MACF1: variants seen among roughly 807,000 people sequenced by gnomAD.
MACF1 encodes microtubule-actin cross-linking factor 1.
In MACF1, 193 loss-of-function variants were observed where a neutral mutation model predicts 854.8. The ratio of observed to expected loss-of-function variants is 0.23; its 90% confidence interval spans 0.20 to 0.25. The LOEUF is 0.25. MACF1 is among the 10% of genes least tolerant of loss of function. The pLI is 1.00. For missense variants in MACF1, 7,722 were observed against 8,929.1 expected (o/e 0.86, Z 5.45); for synonymous variants, 3,185 against 3,226.7 (o/e 0.99, Z 0.44).
At chr1:39,285,439 T>G in intron 13 of MACF1, 49 bp downstream of exon 13, 1 of 1,593,786 alleles carries the variant, frequency 6.3e-7, no homozygotes, top group African/African-American at 1.3e-5. Context: ...TGTTTCCTGC[T>G]TCTCACCCTC....
Position 39,452,795 on chromosome 1 carries a change from C to G in MACF1, c.20725C>G (p.Leu6909Val), listed in dbSNP as rs1279684194. ...LPDDTEALQS[L>V]IDTHKEFMKK... ...TGATGACACAGAGGCCCTGCAGTCTCTCATTGACACCCATAAGGTAATCCA... is the reference window on the plus strand; with the variant it reads ...TGATGACACAGAGGCCCTGCAGTCTGTCATTGACACCCATAAGGTAATCCA... The change falls in exon 87 of 101, where the codon CTC becomes GTC. Residue 6909 changes from leucine to valine, a missense_variant. Transcript: ENST00000564288. 1.2e-6 allele frequency: 2 copies of G among 1,614,042 alleles called. No individual in the cohort carries two copies. Among genetic ancestry groups the G allele is most frequent in the African/African-American group, 1.3e-5 (1 of 74,938 alleles).
At chr1:39,131,069 C>G (rs925547170) in intron 2 of MACF1, among the ~76,000 whole-genome samples, 1 of 148,540 alleles carries the variant, frequency 6.7e-6, no homozygotes, top group Non-Finnish European at 1.5e-5. Context: ...CCAGGCTGGT[C>G]TCTAACTCCT....
chr1:39,102,966 A>C (rs1642131726), intron 2 of MACF1: 2 of 701,248 alleles, frequency 2.9e-6, no homozygotes, highest in African/African-American at 1.7e-5. Context: ...TGTATAAAAC[A>C]GGAACATCAG....
intron 21 of MACF1, among the ~76,000 whole-genome samples, chr1:39,298,421 T>C (rs896585599): frequency 6.6e-6 from 1 of 152,206 alleles, no homozygotes; most frequent in Non-Finnish European, 1.5e-5. Context: ...TTATATTTAG[T>C]GAATGTATAT....
chr1:39,124,965 G>A (rs1325303006), intron 2 of MACF1, among the ~76,000 whole-genome samples: 1 of 152,144 alleles, frequency 6.6e-6, no homozygotes, highest in African/African-American at 2.4e-5. Flanking sequence ...TCAAACTTAT[G>A]TGGTGTGATG....
At chr1:39,202,955 A>G (rs925529087), upstream of MACF1, among the ~76,000 whole-genome samples, 1 of 152,184 alleles carries the variant, frequency 6.6e-6, no homozygotes, top group Non-Finnish European at 1.5e-5. Context: ...TGGTCCCGTC[A>G]AGGCCCCTTT....
chr1:39,143,964 AT>A (rs1643405059), intron 2 of MACF1, among the ~76,000 whole-genome samples: 1 of 149,182 alleles, frequency 6.7e-6, no homozygotes, highest in South Asian at 2.1e-4. Context: ...ATTTTTTTTC[AT>A]TTTTAGTAGA....
chr1:39,447,940 G>C (rs1644260123), intron 82 of MACF1, 42 bp downstream of exon 82: 4 of 1,611,874 alleles, frequency 2.5e-6, no homozygotes, highest in Non-Finnish European at 3.4e-6. Flanking sequence ...GAAGAGTCTT[G>C]GGCTGCATGT....
intron 1 of MACF1, among the ~76,000 whole-genome samples, chr1:39,218,252 G>C (rs10493086): frequency 0.079 from 11,949 of 150,394 alleles, 575 homozygotes; most frequent in South Asian, 0.21. Context: ...TGATATTTAG[G>C]AACTATTGGC....
rs769998643 is a variant in MACF1 at position 39,442,000 on chromosome 1, C to T, written c.18721C>T (p.Pro6241Ser). ...DNTVIKLCTM[P>S]PVGTDLNTVK... ...CACTGTGATTAAACTCTGCACCATG[C>T]CCCCTGTTGGCACTGACCTCAATAC... The change falls in exon 75 of 101, where the codon CCC (proline) becomes TCC (serine). Residue 6241 changes from proline (P) to serine (S), a missense_variant. By Grantham distance (74) the Pro-to-Ser change is moderately conservative (BLOSUM62 -1). This residue lies in a region of MACF1 where 2,807 missense variants were observed against 3,235.8 expected (regional missense o/e 0.87). Coordinates refer to ENST00000564288, the MANE Select transcript of MACF1 (RefSeq NM_001394062.1). 14 of 1,613,944 alleles carry T rather than the reference C, an allele frequency of 8.7e-6. No homozygotes were observed. Among genetic ancestry groups the T allele is most frequent in the Non-Finnish European group, 1.1e-5 (13 of 1,179,974 alleles).
At position 39,427,602 on chromosome 1, in the gene MACF1, C is replaced by A; in HGVS notation, c.16464C>A (p.Ile5488=). Residue 5488 remains isoleucine, a synonymous_variant, in exon 62 of 101, where the codon ATC becomes ATA. Transcript: ENST00000564288. ...AGACTGCCAAAATACAGCAGCAGAT[C>A]ATTCGGCACAAGGTAGGGAGTGGTT... ...GTQTAKIQQQ[I]IRHKALEEDI... 13 of 1,613,974 alleles carry A rather than the reference C, an allele frequency of 8.1e-6. No individual in the cohort carries two copies. The highest frequency in any genetic ancestry group is 1.1e-5 in the Non-Finnish European group (13 of 1,179,952).
chr1:39,348,040 T>C (rs1407136460), intron 41 of MACF1, among the ~76,000 whole-genome samples: 1 of 152,216 alleles, frequency 6.6e-6, no homozygotes, highest in Non-Finnish European at 1.5e-5. Context: ...ATTGTCATTA[T>C]CACCATAAAA....
In MACF1 at chr1:39,447,749, G is replaced by A; in HGVS notation, c.19819G>A (p.Gly6607Arg). The A allele has an allele frequency of 1.2e-6, 2 of 1,614,028 alleles. No individual in the cohort carries two copies. The highest frequency in any genetic ancestry group is 1.7e-6 in the Non-Finnish European group (2 of 1,180,018). The change falls in exon 82 of 101, where the codon GGG becomes AGG. Residue 6607 changes from glycine to arginine, a missense_variant. By Grantham distance (125) the Gly-to-Arg change is moderately radical. Transcript: ENST00000564288. ...RDQIIELDQT[G>R]NQLKFLSQKQ... ...CCAGATCATTGAGCTGGATCAAACT[G>A]GGAATCAATTAAAGTTCCTTAGCCA...
intron 58 of MACF1, 92 bp downstream of exon 58, chr1:39,388,750 C>T (rs1015975866): frequency 1.6e-6 from 2 of 1,234,326 alleles, no homozygotes; most frequent in Admixed American, 5.6e-5. Flanking sequence ...AACTTCTGTC[C>T]CTAGTTTTAT....
intron 52 of MACF1, among the ~76,000 whole-genome samples, chr1:39,375,763 A>T (rs1028291669): frequency 6.6e-6 from 1 of 152,252 alleles, no homozygotes; most frequent in Non-Finnish European, 1.5e-5. Flanking sequence ...AAGTGATGTA[A>T]TAAGAAATTA....
chr1:39,432,729 C>T, intron 67 of MACF1, 75 bp downstream of exon 67: 1 of 1,415,160 alleles, frequency 7.1e-7, no homozygotes, highest in Non-Finnish European at 9.5e-7. Flanking sequence ...CTGACTATCC[C>T]ATGTCAAGTG....
chr1:39,332,645 G>T lies in MACF1; in HGVS notation c.6057G>T (p.Leu2019Phe). The part of the protein sequence containing the change: ...GHQRQKTPEG[L>F]QESANVKISG... ...AAAGGCAAAAAACTCCTGAGGGATT[G>T]CAAGAATCAGCTAATGTGAAAATCT... The change falls in exon 37 of 101, where the codon TTG becomes TTT. Residue 2019 changes from leucine to phenylalanine, a missense_variant. Leu to Phe is a conservative substitution (Grantham distance 22). Transcript: ENST00000564288. 1.2e-6 allele frequency: 2 copies of T among 1,614,182 alleles called. No homozygotes were observed. The highest frequency in any genetic ancestry group is 1.7e-6 in the Non-Finnish European group (2 of 1,180,016).
intron 87 of MACF1, among the ~76,000 whole-genome samples, chr1:39,453,451 G>C (rs1204815386): frequency 2.0e-5 from 3 of 152,108 alleles, no homozygotes. Flanking sequence ...ACTCGAATGG[G>C]AAAAGGGGGG....
Position 39,310,900 on chromosome 1 carries a change from A to G in MACF1, c.3170A>G (p.Glu1057Gly). ...AAGAACATCCGGCTACGCCTGGAGG[A>G]GTATGAACAGAGGGTGGTCAAACGA... ...ELKNIRLRLEEYEQRVVKRIQ... is the reference protein window; with the variant it reads ...ELKNIRLRLEGYEQRVVKRIQ... Residue 1057 changes from glutamate to glycine, a missense_variant, in exon 26 of 101, where the codon GAG (glutamate) becomes GGG (glycine). By Grantham distance (98) the Glu-to-Gly change is moderately conservative. This residue lies in a region of MACF1 where 1,137 missense variants were observed against 1,263.0 expected (regional missense o/e 0.90). Coordinates refer to ENST00000564288, the MANE Select transcript of MACF1 (RefSeq NM_001394062.1). 3 of 1,614,196 alleles carry G rather than the reference A, an allele frequency of 1.9e-6. No individual in the cohort carries two copies. Among genetic ancestry groups the G allele is most frequent in the Non-Finnish European group, 1.7e-6 (2 of 1,180,016 alleles).
Sources: gnomAD v4.1 joint callset for allele counts (sites outside exome capture counted in the v4.1 genomes callset) on GRCh38, gnomAD v4.1.1 for gene constraint, gnomAD v4.1.1 regional missense constraint, MANE v1.5 for transcripts, NCBI Gene and HGNC (gene_info 2026-07-23, HGNC 2026-07-21) for gene names.